Variants in CHL1 observed in about 807,000 individuals in gnomAD.
CHL1 encodes cell adhesion molecule L1 like.
CHL1 carries 96 observed loss-of-function variants against 141.9 expected under a neutral mutation model. The ratio of observed to expected loss-of-function variants is 0.68; its 90% CI spans 0.57 to 0.80. The LOEUF is 0.80. CHL1 is among the 30% of genes least tolerant of loss of function. The probability of loss-of-function intolerance (pLI) is 0.00; values close to 1 mark genes in which losing one functional copy is unlikely to be tolerated. For synonymous variants in CHL1, 613 were observed against 502.2 expected (o/e 1.22, Z -2.95); for missense variants, 1,820 against 1,457.2 (o/e 1.25, Z -4.05).
In CHL1 at chr3:398,240, G is replaced by T; in HGVS notation, c.3108G>T (p.Gly1036=). 1 of 1,598,316 alleles carries T rather than the reference G, an allele frequency of 6.3e-7. No homozygotes were observed. Among genetic ancestry groups the T allele is most frequent in the Non-Finnish European group, 8.6e-7 (1 of 1,168,846 alleles). The change falls in exon 25 of 28, where the codon GGG becomes GGT. Residue 1036 remains glycine, a synonymous_variant. Transcript: ENST00000256509. ...STLGEGSKGI[G]KISGVNLTQK... ...TACATTTCTTAGGTAAAGGTATCGG[G>T]AAGATATCAGGAGTAAATCTTACTC...
intron 19 of CHL1, among the ~76,000 whole-genome samples, chr3:388,781 A>G (rs1029220635): frequency 2.6e-5 from 4 of 152,224 alleles, no homozygotes; most frequent in African/African-American, 9.6e-5. Flanking sequence ...AGAAAAATGG[A>G]GAAGGATAGA....
intron 19 of CHL1, among the ~76,000 whole-genome samples, chr3:386,058 T>C (rs1195356707): frequency 6.6e-6 from 1 of 152,090 alleles, no homozygotes; most frequent in Non-Finnish European, 1.5e-5. Flanking sequence ...AGTATGGTTC[T>C]GTATGGATCA....
At chr3:232,585 A>G (rs1465552021) in intron 1 of CHL1, among the ~76,000 whole-genome samples, 1 of 152,094 alleles carries the variant, frequency 6.6e-6, no homozygotes, top group South Asian at 2.1e-4. Flanking sequence ...TTTACAAGTT[A>G]GATGTTCGTA....
rs1211269186 is a variant in CHL1 at position 407,279 on chromosome 3, AT to A, written c.*1571del. 2.6e-5 allele frequency: 4 copies of A among 152,068 alleles called. No homozygotes were observed. The highest frequency in any genetic ancestry group is 9.7e-5 in the African/African-American group (4 of 41,406). The allele number at this position is 152,068 out of a possible 1,614,324, so 9.4% of individuals were successfully genotyped here. On this transcript the variant is annotated 3_prime_UTR_variant, in exon 28 of 28. Transcript: ENST00000256509. Reference sequence around the variant, plus strand: ...GTATACTGTTATATCCTCAACTTGGATTTATGGTAACCCCTTATAGTTCATG... The same window carrying A: ...GTATACTGTTATATCCTCAACTTGGATTATGGTAACCCCTTATAGTTCATG...
rs564914244 is a variant in CHL1, at chr3:270,157, T to G, written c.-95+25465T>G. Among the ~76,000 whole-genome samples, 3 of 152,244 alleles carry G rather than the reference T, an allele frequency of 2.0e-5. No homozygotes were observed. The South Asian group carries it at 6.2e-4, about 32-fold the overall frequency. ...AAGGGGGAAATATTTTGAATCAAAC[T>G]GAGTTTTAGTGACAGAAGGTGACTT... On this transcript the variant is annotated intron_variant, in intron 2 of 27. Transcript: ENST00000256509.
rs936028743 is a variant in CHL1, at chr3:344,710, G to T, written c.848+1G>T. The T allele has an allele frequency of 6.2e-7, 1 of 1,613,368 alleles. No individual in the cohort carries two copies. The highest frequency in any genetic ancestry group is 1.3e-5 in the African/African-American group (1 of 74,882). On this transcript the variant is annotated splice_donor_variant, in intron 9 of 27. Transcript: ENST00000256509. LOFTEE classifies it high-confidence loss of function. The stretch of plus-strand genomic sequence containing the variant: ...TGCTTGAGTGTTTTGCTGAAGGCTT[G>T]TGAGTAACCTGACTCTCACTCATGA...
intron 2 of CHL1, among the ~76,000 whole-genome samples, chr3:249,992 T>A (rs189136): frequency 0.42 from 64,051 of 151,526 alleles, 15,662 homozygotes; most frequent in African/African-American, 0.68. Context: ...TTTTGAGACA[T>A]GTCTCACTCT....
At position 365,835 on chromosome 3, in the gene CHL1, C is replaced by A; in HGVS notation, c.1586-115C>A. 5.8e-6 allele frequency: 4 copies of A among 686,480 alleles called. No individual in the cohort carries two copies. The South Asian group carries it at 8.4e-5, about 14-fold the overall frequency. 42.5% of individuals were successfully genotyped at this position (686,480 alleles called of 1,614,324 possible). A position where few individuals can be genotyped will look rare whatever the true frequency, so the allele number is the denominator to read the frequency against. On this transcript the variant is annotated intron_variant, in intron 14 of 27. Transcript: ENST00000256509. Reference sequence around the variant, plus strand: ...GTTAGGAAATTACAGTGGGACAAACCCTGCATGAGGATTGGACAGTTATGG... The same window carrying A: ...GTTAGGAAATTACAGTGGGACAAACACTGCATGAGGATTGGACAGTTATGG...
At chr3:250,318 A>C (rs1000612251) in intron 2 of CHL1, among the ~76,000 whole-genome samples, 1 of 152,136 alleles carries the variant, frequency 6.6e-6, no homozygotes, top group Non-Finnish European at 1.5e-5. Flanking sequence ...AGTGAAAATC[A>C]AAAAAGCAAT....
intron 2 of CHL1, among the ~76,000 whole-genome samples, chr3:278,360 C>T (rs1468994938): frequency 2.0e-5 from 3 of 152,204 alleles, no homozygotes; most frequent in Non-Finnish European, 2.9e-5. Flanking sequence ...CCCCATTGCG[C>T]TAAGTGGCGG....
chr3:241,570 T>G (rs2125092558), intron 1 of CHL1, among the ~76,000 whole-genome samples: 1 of 143,860 alleles, frequency 7.0e-6, no homozygotes, highest in Non-Finnish European at 1.5e-5. Context: ...CTCCTTCCAG[T>G]ATACTTCTCT....
chr3:348,155 A>T (rs148839308), intron 9 of CHL1, among the ~76,000 whole-genome samples: 62 of 152,324 alleles, frequency 4.1e-4, no homozygotes, highest in African/African-American at 1.3e-3. Flanking sequence ...AGCACAAAAT[A>T]ATAGAACACA....
chr3:288,808 C>A (rs1329144793), intron 2 of CHL1, among the ~76,000 whole-genome samples: 2 of 152,180 alleles, frequency 1.3e-5, no homozygotes, highest in African/African-American at 2.4e-5. Context: ...ATAGTGAAGA[C>A]AGCTTATCAT....
chr3:225,594 G>C (rs1701243975), intron 1 of CHL1, among the ~76,000 whole-genome samples: 1 of 10,208 alleles, frequency 9.8e-5, no homozygotes, highest in African/African-American at 1.3e-4. Flanking sequence ...CTCAAACACA[G>C]TTCAATTACA....
intron 2 of CHL1, among the ~76,000 whole-genome samples, chr3:262,845 GACATC>G (rs1166191966): frequency 2.1e-4 from 32 of 152,310 alleles, no homozygotes; most frequent in African/African-American, 7.7e-4. Context: ...AGCCTTCAAA[GACATC>G]ACTGTGCAAA....
In CHL1 at chr3:394,817, T is replaced by C. The variant is rs1428612504; in HGVS notation, c.3039T>C (p.Thr1013=). ...TKYKFYLRAC[T]SQGCGKPITE... ...ACAAATTCTACTTGAGGGCTTGCAC[T>C]TCACAGGGCTGTGGAAAACCGATCA... Residue 1013 remains threonine, a synonymous_variant, in exon 24 of 28, where the codon ACT becomes ACC. Transcript: ENST00000256509. The C allele has an allele frequency of 6.2e-7, 1 of 1,613,998 alleles. No homozygotes were observed. The highest frequency in any genetic ancestry group is 2.2e-5 in the East Asian group (1 of 44,868).
At chr3:306,981 A>T (rs922014222) in intron 2 of CHL1, among the ~76,000 whole-genome samples, 1 of 152,162 alleles carries the variant, frequency 6.6e-6, no homozygotes, top group African/African-American at 2.4e-5. Context: ...AACCTGAGAA[A>T]TGGCCTTAGG....
At position 198,134 on chromosome 3, in the gene CHL1, G is replaced by A. The variant is rs1575584125; in HGVS notation, c.-175+1071G>A. 3.6e-5 allele frequency: 8 copies of A among 220,180 alleles called. No homozygotes were observed. In the East Asian group the frequency reaches 8.8e-4, roughly 24 times the overall value. 13.6% of individuals were successfully genotyped at this position (220,180 alleles called of 1,614,324 possible). ...CGGCCAGCAGGGTGGAGCGCAGGGT[G>A]GGCGTTTGGGCTGCTGGGCGGGAAG... On this transcript the variant is annotated intron_variant, in intron 1 of 27. Transcript: ENST00000256509.
At chr3:383,934 C>T in intron 19 of CHL1, 48 bp downstream of exon 19, 1 of 1,295,268 alleles carries the variant, frequency 7.7e-7, no homozygotes, top group Admixed American at 1.7e-5. Context: ...TTTTCTCTTC[C>T]TCTTAGGTCT....
Sources: allele counts gnomAD v4.1 joint callset (sites outside exome capture counted in the v4.1 genomes callset), GRCh38; gene constraint gnomAD v4.1.1; transcripts MANE v1.5; gene names NCBI Gene and HGNC (gene_info 2026-07-23, HGNC 2026-07-21).